The following TDRD12 variants were observed in gnomAD, a reference collection of about 807,000 sequenced individuals.
TDRD12 encodes the protein tudor domain containing 12.
Under a neutral mutation model 133.5 loss-of-function variants are expected in TDRD12, and 158 were observed. That is an observed-to-expected ratio of 1.18 (90% confidence interval 1.04 to 1.35). TDRD12 has a LOEUF of 1.35. Ranked by LOEUF, TDRD12 falls within the 40% of genes most tolerant of loss-of-function variation. The pLI is 0.00. For missense variants in TDRD12, 1,443 were observed against 1,321.3 expected, an observed-to-expected ratio of 1.09 and a Z score of -1.43; for synonymous variants, 460 against 477.9, an observed-to-expected ratio of 0.96 and a Z score of 0.49.
At chr19:32,811,969 T>C (rs551013884) in intron 24 of TDRD12, among the ~76,000 whole-genome samples, 2 of 152,308 alleles carry the variant, frequency 1.3e-5, no homozygotes, top group South Asian at 2.1e-4. Context: ...GGCCAGGTGA[T>C]TCCACTGGTG....
rs1348093020 is a variant in TDRD12 at position 32,800,773 on chromosome 19, G to T, written c.2079+1G>T. 2 of 1,527,274 alleles carry T rather than the reference G, an allele frequency of 1.3e-6. No homozygotes were observed. Among genetic ancestry groups the T allele is most frequent in the Non-Finnish European group, 1.7e-6 (2 of 1,144,342 alleles). The allele number at this position is 1,527,274 out of a possible 1,614,324, so 94.6% of individuals were successfully genotyped here. ...AGCTGAAACAGAAATAGTGTGTAAG[G>T]TGAGTCCATCTCCATATAAAAAATG... On this transcript the variant is annotated splice_donor_variant, in intron 18 of 27. Coordinates refer to ENST00000444215, the Ensembl canonical transcript of TDRD12. LOFTEE classifies it high-confidence loss of function.
intron 8 of TDRD12, among the ~76,000 whole-genome samples, chr19:32,767,098 TTA>T (rs1970320440): frequency 1.8e-5 from 1 of 54,830 alleles, no homozygotes; most frequent in Admixed American, 1.5e-4. Flanking sequence ...TGCATTTTAT[TTA>T]TTTATTTATT....
At chr19:32,821,375 T>A (rs1443432998), downstream of TDRD12, 4 of 233,686 alleles carry the variant, frequency 1.7e-5, no homozygotes, top group East Asian at 1.4e-4. Flanking sequence ...GCAGAGTGTG[T>A]GTGTGTGTGT....
chr19:32,720,124 C>G (rs972484285), intron 1 of TDRD12, 28 bp downstream of exon 1: 34 of 1,545,064 alleles, frequency 2.2e-5, no homozygotes, highest in Non-Finnish European at 3.0e-5. Context: ...AGACCCACGC[C>G]AGACCCACGC....
In TDRD12 at chr19:32,821,140, G is replaced by A. The variant is rs1405398331; in HGVS notation, c.3491G>A (p.Gly1164Asp). 6.5e-7 allele frequency: 1 copy of A among 1,535,414 alleles called. No individual in the cohort carries two copies. The highest frequency in any genetic ancestry group is 2.4e-5 in the East Asian group (1 of 40,898). Reference sequence around the variant, plus strand: ...ACGAGCTCAGAAAACCAGAAGCCTGGTGGGTACTTGGTATTCAAAAGATGG... The same window carrying A: ...ACGAGCTCAGAAAACCAGAAGCCTGATGGGTACTTGGTATTCAAAAGATGG... The change falls in exon 28 of 28, where the codon GGT (glycine) becomes GAT (aspartate). Residue 1164 changes from glycine (G) to aspartate (D), a missense_variant. Gly to Asp is a moderately conservative substitution (Grantham distance 94). Coordinates refer to ENST00000444215, the Ensembl canonical transcript of TDRD12.
At chr19:32,816,225 G>A (rs1181453643) in intron 26 of TDRD12, among the ~76,000 whole-genome samples, 1 of 152,132 alleles carries the variant, frequency 6.6e-6, no homozygotes, top group Non-Finnish European at 1.5e-5. Context: ...ACAGAAAAGT[G>A]CGCACATCAG....
chr19:32,791,411 C>T (rs1305709138), intron 13 of TDRD12, among the ~76,000 whole-genome samples: 2 of 152,056 alleles, frequency 1.3e-5, no homozygotes, highest in African/African-American at 4.8e-5. Flanking sequence ...CCCGACCGTT[C>T]TTTTCAAAAT....
intron 6 of TDRD12, among the ~76,000 whole-genome samples, chr19:32,751,638 G>A (rs1444707346): frequency 1.4e-5 from 2 of 144,116 alleles, no homozygotes; most frequent in African/African-American, 5.1e-5. Flanking sequence ...GGAGTACAGC[G>A]GCACAATTGT....
chr19:32,733,895 A>G (rs888384567), intron 2 of TDRD12, among the ~76,000 whole-genome samples: 2 of 142,374 alleles, frequency 1.4e-5, no homozygotes, highest in African/African-American at 5.2e-5. Context: ...TAATTAATTA[A>G]TTTTTTTTTT....
intron 22 of TDRD12, among the ~76,000 whole-genome samples, chr19:32,809,738 A>G (rs1409493038): frequency 6.6e-6 from 1 of 152,230 alleles, no homozygotes. Flanking sequence ...TGTTACCTGA[A>G]AAAAGATCAG....
chr19:32,822,351 G>A (rs572551459), downstream of TDRD12, among the ~76,000 whole-genome samples: 1 of 152,302 alleles, frequency 6.6e-6, no homozygotes, highest in African/African-American at 2.4e-5. Context: ...AGAATCTCTT[G>A]AATCCAGGAG....
At chr19:32,720,142 C>T in intron 1 of TDRD12, 46 bp downstream of exon 1, 1 of 1,508,078 alleles carries the variant, frequency 6.6e-7, no homozygotes, top group South Asian at 1.2e-5. Context: ...CGCAGTCCCC[C>T]ACCCCCACCC....
intron 24 of TDRD12, 113 bp downstream of exon 24, chr19:32,811,533 G>A (rs1599619277): frequency 1.9e-6 from 2 of 1,033,280 alleles, no homozygotes; most frequent in East Asian, 2.6e-5. Context: ...GGCAGGGAAA[G>A]TGCAGTCTGC....
At chr19:32,819,657 G>A (rs1179494839) in intron 27 of TDRD12, among the ~76,000 whole-genome samples, 4 of 152,238 alleles carry the variant, frequency 2.6e-5, no homozygotes, top group Middle Eastern at 6.8e-3. Context: ...ACAGCACTGC[G>A]AGGTTTCACA....
intron 3 of TDRD12, among the ~76,000 whole-genome samples, chr19:32,742,518 A>G (rs7260313): frequency 0.58 from 88,552 of 151,984 alleles, 26,573 homozygotes; most frequent in East Asian, 0.82. Context: ...TGAAATGTCA[A>G]TTTCACTGAT....
intron 6 of TDRD12, 82 bp downstream of exon 6, chr19:32,749,951 C>A: frequency 3.9e-6 from 4 of 1,012,840 alleles, no homozygotes; most frequent in Non-Finnish European, 5.8e-6. Flanking sequence ...CCAAGAAAAA[C>A]ACTGTAGTTC....
intron 11 of TDRD12, among the ~76,000 whole-genome samples, chr19:32,789,470 G>A (rs1387014174): frequency 6.6e-6 from 1 of 152,132 alleles, no homozygotes; most frequent in Non-Finnish European, 1.5e-5. Flanking sequence ...TCTGCTTTCA[G>A]TCTCTATGGG....
At chr19:32,802,437 TAAG>T (rs1398255209) in intron 19 of TDRD12, among the ~76,000 whole-genome samples, 1 of 151,844 alleles carries the variant, frequency 6.6e-6, no homozygotes, top group African/African-American at 2.4e-5. Context: ...GGATTTGTAA[TAAG>T]AGACATTTTT....
At chr19:32,825,253 T>C (rs773521167), downstream of TDRD12, among the ~76,000 whole-genome samples, 91 of 152,236 alleles carry the variant, frequency 6.0e-4, no homozygotes, top group Non-Finnish European at 1.1e-3. The surrounding 1 kb of genome is among the most constrained non-coding windows in gnomAD (Gnocchi z 4.1). Context: ...TTCTATACCA[T>C]GAATAAACCA....
Sources: gnomAD v4.1 joint callset for allele counts (sites outside exome capture counted in the v4.1 genomes callset) on GRCh38, gnomAD v4.1.1 for gene constraint, Gnocchi (gnomAD v3.1) non-coding constraint, MANE v1.5 for transcripts, NCBI Gene and HGNC (gene_info 2026-07-23, HGNC 2026-07-21) for gene names.